The following LRRC49 variants were observed in gnomAD, a reference collection of about 807,000 sequenced individuals.
The protein encoded by LRRC49 is leucine rich repeat containing 49, also known as leucine-rich repeat-containing protein 49.
A neutral mutation model predicts 83.3 loss-of-function variants in LRRC49; 50 were observed. The observed-to-expected ratio is 0.60, with a 90% CI of 0.48 to 0.76. LRRC49 has a LOEUF of 0.76. LRRC49 is among the 30% of genes least tolerant of loss of function. The pLI is 0.00. For synonymous variants in LRRC49, 286 were observed against 283.3 expected (o/e 1.01, Z -0.10); for missense variants, 704 against 809.1 (o/e 0.87, Z 1.58).
At chr15:71,038,729 C>G (rs1181900690) in intron 15 of LRRC49, among the ~76,000 whole-genome samples, 1 of 152,098 alleles carries the variant, frequency 6.6e-6, no homozygotes, top group African/African-American at 2.4e-5. Context: ...CTCTTAATAA[C>G]CTTCACTTAG....
intron 11 of LRRC49, among the ~76,000 whole-genome samples, chr15:70,998,467 G>GT (rs1394783705): frequency 0.019 from 2,774 of 148,928 alleles, 87 homozygotes; most frequent in African/African-American, 0.065. Flanking sequence ...GGGTTGACAG[G>GT]TTTTTTTTTT....
At chr15:70,909,569 G>A (rs1013994374) in intron 5 of LRRC49, among the ~76,000 whole-genome samples, 5 of 152,068 alleles carry the variant, frequency 3.3e-5, no homozygotes, top group African/African-American at 9.7e-5. Flanking sequence ...GGCTGGGCGC[G>A]GTGGCTCATG....
rs1347048568 is a variant in LRRC49, at chr15:70,909,081, CT to C, written c.501-2449del. Among the ~76,000 whole-genome samples, 5 of 152,138 alleles carry C rather than the reference CT, an allele frequency of 3.3e-5. 1 individual carries two copies. Among genetic ancestry groups the C allele is most frequent in the Admixed American group, 3.3e-4 (5 of 15,278 alleles). ...ATGATGGTTTCTCTGATTGAAGGGC[CT>C]TAAAGGTGCTCAGGATTTCTCATAA... On this transcript the variant is annotated intron_variant, in intron 5 of 15. Transcript: ENST00000260382.
intron 6 of LRRC49, among the ~76,000 whole-genome samples, chr15:70,913,008 ATTC>A (rs2034614720): frequency 6.6e-6 from 1 of 151,978 alleles, no homozygotes; most frequent in African/African-American, 2.4e-5. Context: ...CCCTCTCTTT[ATTC>A]TTCTCTGTCA....
At chr15:70,857,066 C>T (rs542150664) in intron 1 of LRRC49, among the ~76,000 whole-genome samples, 74 of 152,252 alleles carry the variant, frequency 4.9e-4, no homozygotes, top group African/African-American at 1.7e-3. Context: ...TGGCATCTTT[C>T]CCTTCCCTGG....
intron 15 of LRRC49, chr15:71,048,829 G>A (rs1028741606): frequency 1.3e-5 from 6 of 455,838 alleles, no homozygotes; most frequent in African/African-American, 1.0e-4. Context: ...TCTTTAGAAG[G>A]CAACGTCCTG....
At chr15:70,995,100 A>G (rs1304054598) in intron 11 of LRRC49, among the ~76,000 whole-genome samples, 1 of 152,186 alleles carries the variant, frequency 6.6e-6, no homozygotes, top group African/African-American at 2.4e-5. Context: ...GAAAAAGAAC[A>G]AAGAGACAAG....
rs114038699 is a variant in LRRC49 at position 70,914,521 on chromosome 15, C to T, written c.567+2923C>T. Among the ~76,000 whole-genome samples, 533 of 151,890 alleles carry T rather than the reference C, an allele frequency of 3.5e-3. 5 individuals are homozygous for T. Among genetic ancestry groups the T allele is most frequent in the African/African-American group, 0.012 (511 of 41,418 alleles). ...GAGAAACTAATTACAATAATCTTGG[C>T]GAGAAGTGATGGTGGCATGAACTAA... is the stretch of plus-strand genomic sequence containing the variant. On this transcript the variant is annotated intron_variant, in intron 6 of 15. Coordinates refer to ENST00000260382, the MANE Select transcript of LRRC49 (RefSeq NM_017691.5).
intron 14 of LRRC49, among the ~76,000 whole-genome samples, chr15:71,027,532 G>A (rs1265264671): frequency 6.6e-6 from 1 of 152,142 alleles, no homozygotes; most frequent in Non-Finnish European, 1.5e-5. Context: ...ATTACTTTGG[G>A]CAGTATGGCC....
At chr15:70,936,676 T>G in intron 7 of LRRC49, 85 bp from the exon 8 acceptor site, 1 of 813,632 alleles carries the variant, frequency 1.2e-6, no homozygotes, top group South Asian at 1.5e-5. Flanking sequence ...TAGAAATGAT[T>G]ATATATTTCA....
At chr15:70,903,269 A>G (rs1481132845) in intron 4 of LRRC49, among the ~76,000 whole-genome samples, 1 of 151,996 alleles carries the variant, frequency 6.6e-6, no homozygotes, top group African/African-American at 2.4e-5. Context: ...TTATTGATTT[A>G]TCACAGTTCT....
At chr15:70,972,447 T>TA (rs2037042599) in intron 9 of LRRC49, among the ~76,000 whole-genome samples, 1 of 152,220 alleles carries the variant, frequency 6.6e-6, no homozygotes, top group Non-Finnish European at 1.5e-5. Flanking sequence ...TTGGTGTATC[T>TA]GATGATTATG....
intron 1 of LRRC49, 24 bp from the exon 2 acceptor site, chr15:70,893,560 T>C (rs1489678442): frequency 6.4e-7 from 1 of 1,551,616 alleles, no homozygotes; most frequent in Non-Finnish European, 8.9e-7. Context: ...GAGCAAATTT[T>C]ATGGTTTAAT....
At chr15:70,990,789 A>T in intron 11 of LRRC49, among the ~76,000 whole-genome samples, 1 of 152,296 alleles carries the variant, frequency 6.6e-6, no homozygotes, top group East Asian at 1.9e-4. Context: ...TCCAGCCAGA[A>T]CCTTTCTTAT....
intron 1 of LRRC49, among the ~76,000 whole-genome samples, chr15:70,872,212 G>C (rs1219576142): frequency 6.6e-6 from 1 of 152,244 alleles, no homozygotes; most frequent in African/African-American, 2.4e-5. Flanking sequence ...CGGCCAACAC[G>C]GCGAAACCCC....
intron 9 of LRRC49, among the ~76,000 whole-genome samples, chr15:70,976,769 A>G (rs932443633): frequency 6.6e-6 from 1 of 152,108 alleles, no homozygotes; most frequent in South Asian, 2.1e-4. Flanking sequence ...AAATTGGACT[A>G]TTATCAAGAA....
At chr15:70,882,879 G>A in intron 2 of LRRC49, 1 of 1,613,920 alleles carries the variant, frequency 6.2e-7, no homozygotes, top group Non-Finnish European at 8.5e-7. Flanking sequence ...CATGGGGTTG[G>A]GTTTGCACAA....
At chr15:70,868,510 C>G (rs932934722) in intron 1 of LRRC49, among the ~76,000 whole-genome samples, 1 of 152,254 alleles carries the variant, frequency 6.6e-6, no homozygotes, top group African/African-American at 2.4e-5. Flanking sequence ...ATGCTTTCAA[C>G]TGGTGGCTCT....
At chr15:70,910,414 TG>T (rs2141120906) in intron 5 of LRRC49, among the ~76,000 whole-genome samples, 1 of 152,192 alleles carries the variant, frequency 6.6e-6, no homozygotes, top group South Asian at 2.1e-4. Flanking sequence ...ATAGATAACA[TG>T]TATATTATTC....
Sources: gnomAD v4.1 joint callset for allele counts (sites outside exome capture counted in the v4.1 genomes callset) on GRCh38, gnomAD v4.1.1 for gene constraint, MANE v1.5 for transcripts, NCBI Gene and HGNC (gene_info 2026-07-23, HGNC 2026-07-21) for gene names.